Variants in SAMTOR observed in about 807,000 individuals in gnomAD.
SAMTOR encodes S-adenosylmethionine sensor upstream of mTORC1.
chr7:112,881,954 T>C, the SAMTOR span, among the ~76,000 whole-genome samples: 1 of 152,214 alleles, frequency 6.6e-6, no homozygotes, highest in Non-Finnish European at 1.5e-5. Flanking sequence ...CTGCGGCCCT[T>C]GGGGAGCCCA....
chr7:112,928,908 G>A, the SAMTOR span, among the ~76,000 whole-genome samples: 2 of 151,594 alleles, frequency 1.3e-5, no homozygotes, highest in Admixed American at 6.6e-5. Flanking sequence ...AGATCTTTTC[G>A]AAAAATTTAT....
the SAMTOR span, among the ~76,000 whole-genome samples, chr7:112,835,868 C>G: frequency 6.6e-6 from 1 of 152,140 alleles, no homozygotes; most frequent in African/African-American, 2.4e-5. Flanking sequence ...ACCATGTTTT[C>G]TTTATCCAGT....
chr7:112,884,875 A>C, the SAMTOR span, among the ~76,000 whole-genome samples: 1 of 152,306 alleles, frequency 6.6e-6, no homozygotes, highest in East Asian at 1.9e-4. Flanking sequence ...TCCCTTCCAC[A>C]CTGCCCTAGC....
chr7:112,862,303 G>A, the SAMTOR span, among the ~76,000 whole-genome samples: 1 of 151,926 alleles, frequency 6.6e-6, no homozygotes, highest in Non-Finnish European at 1.5e-5. Context: ...ATCTTCTAGG[G>A]GTAAAAAGAA....
the SAMTOR span, among the ~76,000 whole-genome samples, chr7:112,921,598 G>T: frequency 1.4e-4 from 20 of 146,034 alleles, no homozygotes; most frequent in African/African-American, 5.1e-4. Flanking sequence ...TTGACAAATG[G>T]GATCTAATTA....
chr7:112,931,162 T>C, the SAMTOR span, among the ~76,000 whole-genome samples: 1 of 152,236 alleles, frequency 6.6e-6, no homozygotes, highest in Admixed American at 6.5e-5. Context: ...ACTGGTCATT[T>C]AGTTTAACAC....
chr7:112,915,277 C>A, the SAMTOR span: 2 of 1,570,182 alleles, frequency 1.3e-6, no homozygotes, highest in Non-Finnish European at 1.7e-6. Context: ...CATTTGAAAC[C>A]AAAAACGTTA....
At chr7:112,853,487 C>T in the SAMTOR span, among the ~76,000 whole-genome samples, 7 of 152,016 alleles carry the variant, frequency 4.6e-5, no homozygotes. Context: ...TTATTTCCTA[C>T]ATAATTTTGT....
the SAMTOR span, among the ~76,000 whole-genome samples, chr7:112,882,510 G>A: frequency 3.9e-5 from 6 of 152,224 alleles, no homozygotes; most frequent in Non-Finnish European, 7.4e-5. Flanking sequence ...CCAACATGGT[G>A]AAACCCCATC....
At chr7:112,883,984 C>T in the SAMTOR span, among the ~76,000 whole-genome samples, 1 of 152,056 alleles carries the variant, frequency 6.6e-6, no homozygotes, top group Non-Finnish European at 1.5e-5. Flanking sequence ...GCTGGGGAGG[C>T]CTCAGGAAAC....
At chr7:112,870,315 G>A in the SAMTOR span, among the ~76,000 whole-genome samples, 2 of 152,082 alleles carry the variant, frequency 1.3e-5, no homozygotes, top group Admixed American at 6.6e-5. Flanking sequence ...AAACCCATCT[G>A]GCTAACAATA....
At chr7:112,840,800 T>G in the SAMTOR span, among the ~76,000 whole-genome samples, 1 of 151,908 alleles carries the variant, frequency 6.6e-6, no homozygotes, top group Admixed American at 6.6e-5. Flanking sequence ...CATACGCAAA[T>G]CAATAAATGT....
At chr7:112,938,654 A>G in the SAMTOR span, among the ~76,000 whole-genome samples, 1 of 152,214 alleles carries the variant, frequency 6.6e-6, no homozygotes, top group South Asian at 2.1e-4. Context: ...TACTCAGGAG[A>G]AGTCTCTCTC....
chr7:112,834,691 C>G, the SAMTOR span, among the ~76,000 whole-genome samples: 1 of 152,150 alleles, frequency 6.6e-6, no homozygotes, highest in Non-Finnish European at 1.5e-5. Flanking sequence ...ATCCTGATAT[C>G]TAACAATTCA....
the SAMTOR span, among the ~76,000 whole-genome samples, chr7:112,913,794 T>A: frequency 6.6e-6 from 1 of 152,298 alleles, no homozygotes; most frequent in Middle Eastern, 3.4e-3. Context: ...TGGCTTACTG[T>A]CTCATTTCCT....
chr7:112,936,581 A>G, the SAMTOR span, among the ~76,000 whole-genome samples: 1 of 152,160 alleles, frequency 6.6e-6, no homozygotes, highest in Non-Finnish European at 1.5e-5. Flanking sequence ...TTTTCTTATC[A>G]CAGCAAAAAA....
chr7:112,932,732 C>G, the SAMTOR span, among the ~76,000 whole-genome samples: 662 of 152,264 alleles, frequency 4.3e-3, 3 homozygotes, highest in Non-Finnish European at 8.0e-3. Flanking sequence ...GGGGCACTTA[C>G]TTATGTAGGA....
chr7:112,907,730 T>C, the SAMTOR span, among the ~76,000 whole-genome samples: 1 of 151,892 alleles, frequency 6.6e-6, no homozygotes, highest in Non-Finnish European at 1.5e-5. Context: ...ATAAGAGAAA[T>C]GTAAAATAAA....
the SAMTOR span, among the ~76,000 whole-genome samples, chr7:112,875,301 G>T: frequency 6.6e-6 from 1 of 152,136 alleles, no homozygotes; most frequent in Non-Finnish European, 1.5e-5. Flanking sequence ...CACGGGTTGT[G>T]TGAGTAACAT....
Sources: allele counts gnomAD v4.1 joint callset (sites outside exome capture counted in the v4.1 genomes callset), GRCh38; gene constraint gnomAD v4.1.1; transcripts MANE v1.5; gene names NCBI Gene and HGNC (gene_info 2026-07-23, HGNC 2026-07-21).